ANKRD55: variants seen among roughly 807,000 people sequenced by gnomAD.
The protein encoded by ANKRD55 is ankyrin repeat domain-containing protein 55.
In ANKRD55, 41 loss-of-function variants were observed where a neutral mutation model predicts 60.6. The observed-to-expected ratio is 0.68, with a 90% CI of 0.53 to 0.88. The LOEUF (loss-of-function observed/expected upper bound fraction) is 0.88. Ranked by LOEUF, ANKRD55 falls within the 40% of genes least tolerant of loss-of-function variation. ANKRD55 has a pLI of 0.00. For missense variants in ANKRD55, 732 were observed against 767.6 expected (o/e 0.95, Z 0.55); for synonymous variants, 264 against 290.3 (o/e 0.91, Z 0.92).
intron 8 of ANKRD55, among the ~76,000 whole-genome samples, chr5:56,117,664 G>T (rs1756921583): frequency 6.6e-6 from 1 of 152,156 alleles, no homozygotes; most frequent in Non-Finnish European, 1.5e-5. Flanking sequence ...ATGTTGGCCA[G>T]GCTGGTTCTG....
intron 2 of ANKRD55, among the ~76,000 whole-genome samples, chr5:56,221,283 C>G (rs189103856): frequency 3.9e-5 from 6 of 152,292 alleles, no homozygotes; most frequent in Non-Finnish European, 8.8e-5. Flanking sequence ...TTAACTTTTG[C>G]TTTTTCAGCA....
At chr5:56,150,174 T>C (rs1459393230) in intron 6 of ANKRD55, among the ~76,000 whole-genome samples, 3 of 152,096 alleles carry the variant, frequency 2.0e-5, no homozygotes, top group African/African-American at 7.2e-5. Context: ...ATTTAACATC[T>C]TTTTCAATTA....
chr5:56,158,050 G>A (rs1445757091), intron 6 of ANKRD55, among the ~76,000 whole-genome samples: 1 of 152,152 alleles, frequency 6.6e-6, no homozygotes, highest in African/African-American at 2.4e-5. Flanking sequence ...GCATAGTGGT[G>A]CACACCTGTA....
chr5:56,129,910 C>T (rs1757366113), intron 7 of ANKRD55, among the ~76,000 whole-genome samples: 1 of 152,142 alleles, frequency 6.6e-6, no homozygotes, highest in Non-Finnish European at 1.5e-5. Context: ...GATCCTGGCT[C>T]ATCGGTTGGA....
At chr5:56,174,426 A>T (rs1758691945) in intron 4 of ANKRD55, among the ~76,000 whole-genome samples, 1 of 152,042 alleles carries the variant, frequency 6.6e-6, no homozygotes, top group Non-Finnish European at 1.5e-5. Context: ...TCTTTTCTTC[A>T]GCTCAGACAC....
rs544681287 is a variant in ANKRD55, at chr5:56,179,801, G to A, written c.182-3519C>T. Among the ~76,000 whole-genome samples the A allele has an allele frequency of 6.6e-5, 10 of 152,270 alleles. No individual in the cohort carries two copies. The South Asian group carries it at 2.1e-3, about 32-fold the overall frequency. ...GACTCATTGTCTTGTCCTGGGTGGT[G>A]CAAAGTAATTACAGTAAGGTTATGA... On this transcript the variant is annotated intron_variant, in intron 3 of 11. Transcript: ENST00000341048.
Position 56,188,243 on chromosome 5 carries a change from C to T in ANKRD55, c.59-4609G>A, listed in dbSNP as rs200994919. On this transcript the variant is annotated intron_variant, in intron 2 of 11. Coordinates refer to ENST00000341048, the MANE Select transcript of ANKRD55 (RefSeq NM_024669.3). ...ATATGTTGACTGGGGTTGTCGAGAA[C>T]AATACTGTTGCTTTATTCTACCACC... 6.6e-5 allele frequency among the ~76,000 whole-genome samples: 10 copies of T among 152,182 alleles called. No individual in the cohort carries two copies. In the East Asian group the frequency reaches 1.7e-3, roughly 26 times the overall value.
chr5:56,152,595 CAACAGACA>C, intron 6 of ANKRD55, among the ~76,000 whole-genome samples: 1 of 152,278 alleles, frequency 6.6e-6, no homozygotes, highest in Admixed American at 6.5e-5. Flanking sequence ...CCGGTAGCTG[CAACAGACA>C]AGCCTCACTC....
chr5:56,121,520 C>A (rs557485297), intron 8 of ANKRD55, among the ~76,000 whole-genome samples: 7 of 150,392 alleles, frequency 4.7e-5, no homozygotes, highest in Non-Finnish European at 9.0e-5. Context: ...CTACAGGCGC[C>A]CGCCACCACA....
At chr5:56,135,211 T>TTTCCTTCCTTCA (rs1359950947) in intron 7 of ANKRD55, among the ~76,000 whole-genome samples, 7 of 118,372 alleles carry the variant, frequency 5.9e-5, no homozygotes, top group Non-Finnish European at 1.0e-4. Context: ...GTCTCACAAC[T>TTTCCTTCCTTCA]TTCCTTCCTT....
At chr5:56,183,443 C>A in intron 3 of ANKRD55, 69 bp downstream of exon 3, 1 of 1,585,838 alleles carries the variant, frequency 6.3e-7, no homozygotes, top group Non-Finnish European at 8.6e-7. Flanking sequence ...TAACATTGCT[C>A]ATGTCTGAAG....
rs201712594 is a variant in ANKRD55, at chr5:56,114,493, T to C, written c.965+2122A>G. 2.4e-4 allele frequency among the ~76,000 whole-genome samples: 36 copies of C among 152,346 alleles called. No individual in the cohort carries two copies. The East Asian group carries it at 6.9e-3, about 29-fold the overall frequency. ...CATTGTAAGCTTGACACCATCTCAGTATATAAAGCTTGTCCAATAGATTGG... is the reference window on the plus strand; with the variant it reads ...CATTGTAAGCTTGACACCATCTCAGCATATAAAGCTTGTCCAATAGATTGG... On this transcript the variant is annotated intron_variant, in intron 9 of 11. Coordinates refer to ENST00000341048, the MANE Select transcript of ANKRD55 (RefSeq NM_024669.3).
chr5:56,155,849 CAAA>C (rs11338877), intron 6 of ANKRD55, among the ~76,000 whole-genome samples: 10 of 125,346 alleles, frequency 8.0e-5, no homozygotes, highest in Non-Finnish European at 1.2e-4. Context: ...GACCCTGCCT[CAAA>C]AAAAAAAAAA....
chr5:56,136,651 C>T (rs1040224126), intron 7 of ANKRD55, among the ~76,000 whole-genome samples: 2 of 152,032 alleles, frequency 1.3e-5, no homozygotes, highest in Non-Finnish European at 2.9e-5. Context: ...CCGGGCAAGG[C>T]GGCTCGTACC....
chr5:56,232,631 C>G (rs558425864), intron 2 of ANKRD55, among the ~76,000 whole-genome samples: 1 of 152,212 alleles, frequency 6.6e-6, no homozygotes, highest in Admixed American at 6.5e-5. Flanking sequence ...GCTTATTTTT[C>G]TGTTTCAGAT....
At chr5:56,103,969 G>A (rs1756369818) in intron 10 of ANKRD55, among the ~76,000 whole-genome samples, 1 of 152,134 alleles carries the variant, frequency 6.6e-6, no homozygotes, top group Admixed American at 6.6e-5. Context: ...CAGTCTCCCT[G>A]GTGGATATTT....
intron 4 of ANKRD55, among the ~76,000 whole-genome samples, chr5:56,173,524 T>A (rs1758655660): frequency 7.2e-6 from 1 of 138,018 alleles, no homozygotes; most frequent in Non-Finnish European, 1.5e-5. Flanking sequence ...AAATAATACG[T>A]TAAATGTAGA....
At chr5:56,223,556 G>T (rs1376445402) in intron 2 of ANKRD55, among the ~76,000 whole-genome samples, 1 of 152,158 alleles carries the variant, frequency 6.6e-6, no homozygotes, top group Non-Finnish European at 1.5e-5. Context: ...TACACAGACT[G>T]CCAAATTGGA....
At chr5:56,141,823 T>C (rs1757777945) in intron 7 of ANKRD55, among the ~76,000 whole-genome samples, 1 of 152,186 alleles carries the variant, frequency 6.6e-6, no homozygotes, top group African/African-American at 2.4e-5. Flanking sequence ...AAATGACCAT[T>C]TCGTCCAATT....
Sources: allele counts gnomAD v4.1 joint callset (sites outside exome capture counted in the v4.1 genomes callset), GRCh38; gene constraint gnomAD v4.1.1; transcripts MANE v1.5; gene names NCBI Gene and HGNC (gene_info 2026-07-23, HGNC 2026-07-21).